Variants in TMEM178B observed in about 807,000 individuals in gnomAD.
TMEM178B encodes the protein transmembrane protein 178B.
Under a neutral mutation model 31.0 loss-of-function variants are expected in TMEM178B, and 5 were observed. The observed-to-expected ratio is 0.16, with a 90% CI of 0.08 to 0.34. TMEM178B has a LOEUF of 0.34. TMEM178B is among the 10% of genes least tolerant of loss of function. TMEM178B has a pLI of 1.00. For missense variants in TMEM178B, 275 were observed against 400.3 expected, an observed-to-expected ratio of 0.69 and a Z score of 2.67; for synonymous variants, 164 against 164.0, an observed-to-expected ratio of 1.00 and a Z score of 0.00.
chr7:141,489,516 C>T, the TMEM178B span, among the ~76,000 whole-genome samples: 1 of 151,958 alleles, frequency 6.6e-6, no homozygotes, highest in African/African-American at 2.4e-5. Context: ...GTATTGTGAC[C>T]TCTTACTTCC....
intron 3 of TMEM178B, among the ~76,000 whole-genome samples, chr7:141,469,986 G>T (rs1586981958): frequency 6.6e-6 from 1 of 152,322 alleles, no homozygotes; most frequent in South Asian, 2.1e-4. Flanking sequence ...ACTCCAGAGA[G>T]AACACTTTGG....
chr7:141,275,287 G>A (rs1446590459), intron 2 of TMEM178B, among the ~76,000 whole-genome samples: 10 of 152,210 alleles, frequency 6.6e-5, no homozygotes, highest in Admixed American at 6.5e-4. Flanking sequence ...CTACCCAAGT[G>A]TAGTACCTCT....
At chr7:141,452,197 T>G (rs1479730421) in intron 3 of TMEM178B, among the ~76,000 whole-genome samples, 2 of 152,236 alleles carry the variant, frequency 1.3e-5, no homozygotes, top group African/African-American at 4.8e-5. Flanking sequence ...GAAACAGTCT[T>G]TCCTGAGCTC....
chr7:141,389,313 T>C (rs1238082113), intron 2 of TMEM178B, among the ~76,000 whole-genome samples: 4 of 152,200 alleles, frequency 2.6e-5, no homozygotes, highest in African/African-American at 9.7e-5. Flanking sequence ...TATTACCAGC[T>C]TGCCACAATG....
At chr7:141,395,218 G>A (rs1203152085) in intron 2 of TMEM178B, among the ~76,000 whole-genome samples, 1 of 152,196 alleles carries the variant, frequency 6.6e-6, no homozygotes, top group Non-Finnish European at 1.5e-5. Flanking sequence ...CCACAGAAGT[G>A]TAGAGCAGTT....
At chr7:141,199,837 G>C (rs1404065804) in intron 1 of TMEM178B, among the ~76,000 whole-genome samples, 1 of 152,162 alleles carries the variant, frequency 6.6e-6, no homozygotes, top group Non-Finnish European at 1.5e-5. Flanking sequence ...GGGTCACGAG[G>C]TCAGGAGATC....
At chr7:141,149,708 A>C (rs930826360) in intron 1 of TMEM178B, among the ~76,000 whole-genome samples, 1 of 152,236 alleles carries the variant, frequency 6.6e-6, no homozygotes, top group Non-Finnish European at 1.5e-5. Flanking sequence ...TGACTGAGGC[A>C]GAGAAGGGAG....
chr7:141,272,134 A>T (rs1024737951), intron 2 of TMEM178B, among the ~76,000 whole-genome samples: 5 of 152,188 alleles, frequency 3.3e-5, no homozygotes, highest in African/African-American at 1.2e-4. Context: ...CTTATGCTAT[A>T]GTTCATTTTC....
intron 3 of TMEM178B, among the ~76,000 whole-genome samples, chr7:141,449,499 A>T (rs991979100): frequency 6.6e-6 from 1 of 152,112 alleles, no homozygotes; most frequent in Non-Finnish European, 1.5e-5. Context: ...GATGGCTGAG[A>T]TGTACTACAG....
intron 2 of TMEM178B, among the ~76,000 whole-genome samples, chr7:141,430,717 G>T (rs936277099): frequency 1.3e-5 from 2 of 152,106 alleles, no homozygotes; most frequent in African/African-American, 2.4e-5. Context: ...AGCTTGTCCT[G>T]GTTGATCCCG....
Position 141,346,852 on chromosome 7 carries a change from C to T in TMEM178B, c.497-90756C>T, listed in dbSNP as rs1354588937. On this transcript the variant is annotated intron_variant, in intron 2 of 3. Coordinates refer to ENST00000565468, the MANE Select transcript of TMEM178B (RefSeq NM_001195278.2). ...CATTGATATAATTTAGCTCTGTGCC[C>T]CTACCCAAATCTCATGTGGAATTGT... is the stretch of plus-strand genomic sequence containing the variant. Among the ~76,000 whole-genome samples the T allele has an allele frequency of 7.2e-5, 11 of 152,156 alleles. No homozygotes were observed. The East Asian group carries it at 2.1e-3, about 29-fold the overall frequency.
chr7:141,376,269 G>A (rs1029430369), intron 2 of TMEM178B, among the ~76,000 whole-genome samples: 1 of 152,292 alleles, frequency 6.6e-6, no homozygotes, highest in East Asian at 1.9e-4. Context: ...CAATCTCAAC[G>A]GAATTATTGG....
At chr7:141,317,197 G>T (rs1799020177) in intron 2 of TMEM178B, among the ~76,000 whole-genome samples, 1 of 152,170 alleles carries the variant, frequency 6.6e-6, no homozygotes. Flanking sequence ...AAGGCAGGAA[G>T]TGCCATTGTA....
At chr7:141,440,047 T>C (rs1402059509) in intron 3 of TMEM178B, among the ~76,000 whole-genome samples, 2 of 152,246 alleles carry the variant, frequency 1.3e-5, no homozygotes, top group Non-Finnish European at 2.9e-5. Context: ...GACCAACAGA[T>C]GTGACTGTGG....
chr7:141,257,134 A>G (rs1030692190), intron 2 of TMEM178B, among the ~76,000 whole-genome samples: 3 of 152,266 alleles, frequency 2.0e-5, no homozygotes, highest in African/African-American at 7.2e-5. Context: ...GTGATGTGGA[A>G]GGAAACCCAA....
intron 2 of TMEM178B, among the ~76,000 whole-genome samples, chr7:141,336,750 T>C (rs1306424583): frequency 6.6e-6 from 1 of 151,026 alleles, no homozygotes. Context: ...CATCCCACCA[T>C]TACCACCACC....
intron 1 of TMEM178B, among the ~76,000 whole-genome samples, chr7:141,109,534 C>T (rs1292302619): frequency 6.6e-6 from 1 of 152,062 alleles, no homozygotes; most frequent in Non-Finnish European, 1.5e-5. Context: ...ATACTTAATT[C>T]AGTTTAATTC....
chr7:141,184,316 G>A (rs1403176117), intron 1 of TMEM178B, among the ~76,000 whole-genome samples: 1 of 152,180 alleles, frequency 6.6e-6, no homozygotes, highest in East Asian at 1.9e-4. Flanking sequence ...TTTTAAGCCT[G>A]ATTTTCAGTC....
chr7:141,201,802 C>T (rs1261363990), intron 1 of TMEM178B, among the ~76,000 whole-genome samples: 1 of 152,166 alleles, frequency 6.6e-6, no homozygotes, highest in African/African-American at 2.4e-5. Flanking sequence ...TGGAAGCAAA[C>T]ATTTTGTCTT....
Sources: allele counts gnomAD v4.1 joint callset (sites outside exome capture counted in the v4.1 genomes callset), GRCh38; gene constraint gnomAD v4.1.1; transcripts MANE v1.5; gene names NCBI Gene and HGNC (gene_info 2026-07-23, HGNC 2026-07-21).